The following MAPRE1 variants were observed in gnomAD, a reference collection of about 807,000 sequenced individuals.
MAPRE1 encodes microtubule associated protein RP/EB family member 1.
Under a neutral mutation model 32.1 loss-of-function variants are expected in MAPRE1, and 5 were observed. The observed-to-expected ratio is 0.16, with a 90% CI of 0.08 to 0.33. MAPRE1 has a LOEUF of 0.33. Among genes scored for constraint, MAPRE1 ranks in the 10% least tolerant of loss-of-function variants. The pLI, the probability that MAPRE1 is intolerant of heterozygous loss-of-function variation, is 1.00. For missense variants in MAPRE1, 209 were observed against 327.2 expected (o/e 0.64, Z 2.79); for synonymous variants, 122 against 118.9 (o/e 1.03, Z -0.17).
intron 2 of MAPRE1, among the ~76,000 whole-genome samples, chr20:32,828,462 T>C (rs1461206145): frequency 2.0e-5 from 3 of 152,200 alleles, no homozygotes; most frequent in Non-Finnish European, 4.4e-5. Flanking sequence ...GGGCTCTAGG[T>C]TTATCTCATT....
chr20:32,848,104 T>G (rs1014241626), intron 6 of MAPRE1, among the ~76,000 whole-genome samples: 21 of 151,730 alleles, frequency 1.4e-4, no homozygotes, highest in Non-Finnish European at 3.1e-4. Context: ...GAGTGCCTGG[T>G]GGTGCGATCA....
In MAPRE1 at chr20:32,848,977, G is replaced by A. The variant is rs533595995; in HGVS notation, c.*249G>A. ...CACCTGGAAAACAGAGAGGCTGACC[G>A]TGGGGCTCACCATGCGGATGCGGGT... On this transcript the variant is annotated 3_prime_UTR_variant, in exon 7 of 7. Coordinates refer to ENST00000375571, the MANE Select transcript of MAPRE1 (RefSeq NM_012325.3). The A allele has an allele frequency of 1.8e-5, 6 of 342,722 alleles. No individual in the cohort carries two copies. Among genetic ancestry groups the A allele is most frequent in the Admixed American group, 1.3e-4 (3 of 22,318 alleles). 21.2% of individuals were successfully genotyped at this position (342,722 alleles called of 1,614,324 possible). A position where few individuals can be genotyped will look rare whatever the true frequency, so the allele number is the denominator to read the frequency against.
intron 5 of MAPRE1, among the ~76,000 whole-genome samples, chr20:32,843,677 T>G (rs1038168842): frequency 3.9e-5 from 6 of 152,224 alleles, no homozygotes; most frequent in African/African-American, 1.4e-4. Flanking sequence ...ATGTGATACT[T>G]GTAGCTCATC....
At chr20:32,844,192 G>C in intron 5 of MAPRE1, among the ~76,000 whole-genome samples, 1 of 152,068 alleles carries the variant, frequency 6.6e-6, no homozygotes, top group South Asian at 2.1e-4. Flanking sequence ...ATACAGACTT[G>C]AAAGGAGTGC....
chr20:32,822,032 G>GT (rs148959080), intron 1 of MAPRE1, among the ~76,000 whole-genome samples: 6,880 of 152,238 alleles, frequency 0.045, 188 homozygotes, highest in East Asian at 0.077. Flanking sequence ...GATGTTCATT[G>GT]TACATCCACA....
At chr20:32,826,519 CTTTTTTTTT>C (rs71338460) in intron 2 of MAPRE1, among the ~76,000 whole-genome samples, 2 of 46,560 alleles carry the variant, frequency 4.3e-5, no homozygotes, top group African/African-American at 1.8e-4. Flanking sequence ...CACGCCCGGC[CTTTTTTTTT>C]TTTTTTTTTT....
At chr20:32,845,915 C>T (rs1170818663) in intron 5 of MAPRE1, among the ~76,000 whole-genome samples, 8 of 152,190 alleles carry the variant, frequency 5.3e-5, no homozygotes. Flanking sequence ...ACTTTCCATG[C>T]TGCTCTGTGG....
rs151153817 is a variant in MAPRE1, at chr20:32,838,915, G to A, written c.476-820G>A. Among the ~76,000 whole-genome samples the A allele has an allele frequency of 3.8e-3, 576 of 152,296 alleles. 6 individuals are homozygous for A. Among genetic ancestry groups the A allele is most frequent in the Non-Finnish European group, 4.6e-3 (311 of 68,024 alleles). The stretch of plus-strand genomic sequence containing the variant: ...ACTTTACAAAATAATTGCTAAGTAG[G>A]TGAATCATCAGTGATATATATACCT... On this transcript the variant is annotated intron_variant, in intron 4 of 6. Transcript: ENST00000375571.
chr20:32,838,991 T>A (rs767125434), intron 4 of MAPRE1, among the ~76,000 whole-genome samples: 1 of 152,220 alleles, frequency 6.6e-6, no homozygotes, highest in Non-Finnish European at 1.5e-5. Flanking sequence ...GGTTGGCTCC[T>A]TTACTCCTTT....
At chr20:32,840,469 T>G (rs924084478) in intron 5 of MAPRE1, among the ~76,000 whole-genome samples, 1 of 152,176 alleles carries the variant, frequency 6.6e-6, no homozygotes, top group Non-Finnish European at 1.5e-5. Context: ...ATTCTATTTT[T>G]TAAATTTTGT....
At chr20:32,839,657 C>T (rs1003707733) in intron 4 of MAPRE1, 78 bp from the exon 5 acceptor site, 15 of 1,580,932 alleles carry the variant, frequency 9.5e-6, no homozygotes, top group Non-Finnish European at 1.3e-5. Context: ...GTCACAGCTT[C>T]TCCATGTTGT....
At chr20:32,846,574 C>T (rs373887429) in intron 5 of MAPRE1, 44 bp from the exon 6 acceptor site, 1 of 1,592,180 alleles carries the variant, frequency 6.3e-7, no homozygotes, top group African/African-American at 1.3e-5. Flanking sequence ...ATTTTATTGC[C>T]ATACTAATGC....
intron 2 of MAPRE1, among the ~76,000 whole-genome samples, chr20:32,828,061 G>A (rs1045760426): frequency 2.6e-5 from 4 of 151,662 alleles, no homozygotes; most frequent in African/African-American, 4.9e-5. Context: ...TTGGTTTTAC[G>A]GATGGTCAGA....
intron 2 of MAPRE1, among the ~76,000 whole-genome samples, chr20:32,833,026 T>A (rs1479275991): frequency 6.6e-6 from 1 of 151,812 alleles, no homozygotes; most frequent in Non-Finnish European, 1.5e-5. Flanking sequence ...ACGGGTTGGC[T>A]GGGTGCTCTA....
chr20:32,820,434 G>T (rs553203459), intron 1 of MAPRE1, among the ~76,000 whole-genome samples: 1 of 152,280 alleles, frequency 6.6e-6, no homozygotes, highest in East Asian at 1.9e-4. Context: ...GAGAGATCGG[G>T]TGGTGGAGTC....
chr20:32,829,351 A>C (rs114945037), intron 2 of MAPRE1, among the ~76,000 whole-genome samples: 206 of 152,344 alleles, frequency 1.4e-3, no homozygotes, highest in Middle Eastern at 6.8e-3. Context: ...TGAAAGCCGT[A>C]TAAGATGTCT....
chr20:32,846,668 C>A lies in MAPRE1; in HGVS notation c.648C>A (p.Phe216Leu). ...AAGACTTGGAGAAAGAGAGGGATTT[C>A]TACTTCGGAAAGCTACGGAACATTG... is the stretch of plus-strand genomic sequence containing the variant. ...TVEDLEKERD[F>L]YFGKLRNIEL... Residue 216 changes from phenylalanine to leucine, a missense_variant, in exon 6 of 7, where the codon TTC becomes TTA. Transcript: ENST00000375571. 6.2e-7 allele frequency: 1 copy of A among 1,613,974 alleles called. No homozygotes were observed. Among genetic ancestry groups the A allele is most frequent in the Non-Finnish European group, 8.5e-7 (1 of 1,179,908 alleles).
intron 5 of MAPRE1, among the ~76,000 whole-genome samples, chr20:32,845,653 A>G (rs1380337622): frequency 6.6e-6 from 1 of 152,032 alleles, no homozygotes; most frequent in Non-Finnish European, 1.5e-5. Flanking sequence ...AATTTTTATT[A>G]TTTATTTTTT....
chr20:32,833,876 A>T lies in MAPRE1; in HGVS notation c.267+14A>T, dbSNP rs762615655. 1.2e-6 allele frequency: 2 copies of T among 1,609,732 alleles called. No individual in the cohort carries two copies. The highest frequency in any genetic ancestry group is 1.7e-6 in the Non-Finnish European group (2 of 1,177,020). ...GGTGTTGACAAAGTAAGTAAACGTT[A>T]TCTTTTATTGTGGTTAATGTTCCTT... On this transcript the variant is annotated intron_variant, in intron 3 of 6. Coordinates refer to ENST00000375571, the MANE Select transcript of MAPRE1 (RefSeq NM_012325.3).
Sources: gnomAD v4.1 joint callset for allele counts (sites outside exome capture counted in the v4.1 genomes callset) on GRCh38, gnomAD v4.1.1 for gene constraint, MANE v1.5 for transcripts, NCBI Gene and HGNC (gene_info 2026-07-23, HGNC 2026-07-21) for gene names.